Variants in CFAP20DC observed in about 807,000 individuals in gnomAD.
CFAP20DC encodes the protein CFAP20 domain containing, also known as protein CFAP20DC.
CFAP20DC carries 84 observed loss-of-function variants against 101.7 expected under a neutral mutation model. That is an observed-to-expected ratio of 0.83 (90% CI 0.69 to 0.99). CFAP20DC has a LOEUF of 0.99. Ranked by LOEUF, CFAP20DC falls within the 50% of genes least tolerant of loss-of-function variation. The pLI, the probability that CFAP20DC is intolerant of heterozygous loss-of-function variation, is 0.00. For missense variants in CFAP20DC, 1,007 were observed against 970.3 expected (o/e 1.04, Z -0.50); for synonymous variants, 359 against 351.2 (o/e 1.02, Z -0.25).
intron 4 of CFAP20DC, among the ~76,000 whole-genome samples, chr3:58,981,945 C>T (rs550181212): frequency 2.0e-5 from 3 of 152,190 alleles, no homozygotes; most frequent in African/African-American, 7.2e-5. Context: ...AGAAAATTTT[C>T]GCAACCTGCT....
chr3:58,743,212 G>A lies in CFAP20DC; in HGVS notation c.2333-640C>T, dbSNP rs150876202. ...CAGCCATTTAGATGGATTGGACAGA[G>A]AGGACAACTGTCTAAGTCATTATCG... On this transcript the variant is annotated intron_variant, in intron 16 of 16. Transcript: ENST00000482387. 7.2e-5 allele frequency among the ~76,000 whole-genome samples: 11 copies of A among 151,830 alleles called. No homozygotes were observed. In the East Asian group the frequency reaches 1.9e-3, roughly 27 times the overall value.
chr3:58,861,586 A>G lies in CFAP20DC; in HGVS notation c.1593+1972T>C, dbSNP rs530638485. On this transcript the variant is annotated intron_variant, in intron 12 of 16. Transcript: ENST00000482387. This position sits in a 1 kb window ranked among gnomAD's most constrained non-coding sequence, Gnocchi z 4.0. ...AAGAAGGTATCATTACACATGCTAA[A>G]ACTTGTTTAAATATAGCCTAGCATT... The G allele has an allele frequency of 3.3e-5, 33 of 985,310 alleles. No homozygotes were observed. Among genetic ancestry groups the G allele is most frequent in the Admixed American group, 1.8e-4 (3 of 16,290 alleles). The allele number at this position is 985,310 out of a possible 1,614,324, so 61.0% of individuals were successfully genotyped here. A position where few individuals can be genotyped will look rare whatever the true frequency, so the allele number is the denominator to read the frequency against.
chr3:58,812,129 T>C (rs975828927), intron 14 of CFAP20DC, among the ~76,000 whole-genome samples: 5 of 152,100 alleles, frequency 3.3e-5, no homozygotes, highest in South Asian at 2.1e-4. Context: ...AGCTCGACCA[T>C]TGTGGAAGTC....
chr3:58,823,147 T>C (rs1175984458), intron 14 of CFAP20DC, among the ~76,000 whole-genome samples: 1 of 152,170 alleles, frequency 6.6e-6, no homozygotes, highest in Non-Finnish European at 1.5e-5. Context: ...TCCTGTATCA[T>C]GGAAAACTTA....
At chr3:58,953,505 T>C (rs908511038) in intron 4 of CFAP20DC, 4 of 152,210 alleles carry the variant, frequency 2.6e-5, no homozygotes, top group African/African-American at 9.6e-5. Flanking sequence ...TGAGGGCTTA[T>C]GCTACTGTCT....
At chr3:58,857,621 C>T (rs1424965693) in intron 12 of CFAP20DC, among the ~76,000 whole-genome samples, 1 of 152,080 alleles carries the variant, frequency 6.6e-6, no homozygotes, top group Non-Finnish European at 1.5e-5. Flanking sequence ...GGTACAAAGG[C>T]TTGTTTGCCT....
intron 6 of CFAP20DC, among the ~76,000 whole-genome samples, chr3:58,890,281 C>T (rs1426899090): frequency 1.0e-4 from 15 of 149,220 alleles, no homozygotes; most frequent in East Asian, 8.2e-4. Flanking sequence ...CCTCACCTCC[C>T]GGACGGGGCG....
In CFAP20DC at chr3:58,914,456, C is replaced by A. The variant is rs956143318; in HGVS notation, c.394-592G>T. ...AATTTCTGCGCATTAAATAATTAGG[C>A]CCCTCAATACTTCATCAAATGAATT... On this transcript the variant is annotated intron_variant, in intron 5 of 16. Coordinates refer to ENST00000482387, the MANE Select transcript of CFAP20DC (RefSeq NM_001394063.1). This position sits in a 1 kb window ranked among gnomAD's most constrained non-coding sequence, Gnocchi z 4.9. 3.3e-5 allele frequency among the ~76,000 whole-genome samples: 5 copies of A among 151,782 alleles called. No individual in the cohort carries two copies. Among genetic ancestry groups the A allele is most frequent in the African/African-American group, 7.3e-5 (3 of 41,316 alleles).
At chr3:58,796,080 G>A (rs886316135) in intron 15 of CFAP20DC, among the ~76,000 whole-genome samples, 12 of 152,178 alleles carry the variant, frequency 7.9e-5, no homozygotes, top group African/African-American at 2.9e-4. Context: ...GTTGGTGCCC[G>A]GGTCAGTGTA....
intron 4 of CFAP20DC, chr3:58,953,629 G>C (rs927879144): frequency 4.6e-5 from 7 of 152,108 alleles, no homozygotes; most frequent in African/African-American, 1.7e-4. Context: ...AAGCTGAATT[G>C]CTACTTTAAA....
chr3:59,022,571 A>AC (rs2109002192), intron 4 of CFAP20DC, among the ~76,000 whole-genome samples: 1 of 152,092 alleles, frequency 6.6e-6, no homozygotes, highest in East Asian at 1.9e-4. Context: ...ATGGCATTTA[A>AC]CCTTAAAAAA....
intron 13 of CFAP20DC, among the ~76,000 whole-genome samples, chr3:58,833,307 G>C (rs1368436537): frequency 6.6e-6 from 1 of 152,098 alleles, no homozygotes; most frequent in Non-Finnish European, 1.5e-5. Context: ...CTTTAATAAG[G>C]TATTTCATGA....
At chr3:58,823,184 T>G (rs371849785) in intron 14 of CFAP20DC, among the ~76,000 whole-genome samples, 40 of 152,274 alleles carry the variant, frequency 2.6e-4, no homozygotes, top group African/African-American at 9.1e-4. Flanking sequence ...ATGTTTTTCT[T>G]TTGCTAATCT....
At chr3:58,791,742 AG>A (rs1484687045) in intron 15 of CFAP20DC, among the ~76,000 whole-genome samples, 1 of 152,160 alleles carries the variant, frequency 6.6e-6, no homozygotes, top group African/African-American at 2.4e-5. Context: ...AGATCATTAT[AG>A]GGACTCTGTT....
chr3:58,968,440 T>A (rs967795181), intron 4 of CFAP20DC, among the ~76,000 whole-genome samples: 2 of 152,212 alleles, frequency 1.3e-5, no homozygotes, highest in African/African-American at 4.8e-5. Context: ...GTGGTTTTTA[T>A]CTGCATTTCT....
intron 16 of CFAP20DC, among the ~76,000 whole-genome samples, chr3:58,752,047 C>CT (rs1192837238): frequency 1.3e-5 from 2 of 152,150 alleles, no homozygotes; most frequent in Non-Finnish European, 2.9e-5. Context: ...CATAATTTTT[C>CT]TTTGACACTT....
rs78463295 is a variant in CFAP20DC at position 58,991,900 on chromosome 3, T to C, written c.278+47657A>G. On this transcript the variant is annotated intron_variant, in intron 4 of 16. Coordinates refer to ENST00000482387, the MANE Select transcript of CFAP20DC (RefSeq NM_001394063.1). ...AGTAAATTAGGTTTTACAACAATTA[T>C]TCTAGATAAGTCAGCAAAATAAGGA... Among the ~76,000 whole-genome samples, 1,503 of 152,294 alleles carry C rather than the reference T, an allele frequency of 9.9e-3. 28 individuals are homozygous for C. Among genetic ancestry groups the C allele is most frequent in the African/African-American group, 0.034 (1,411 of 41,562 alleles).
chr3:58,970,569 G>C (rs2091892264), intron 4 of CFAP20DC: 1 of 152,192 alleles, frequency 6.6e-6, no homozygotes, highest in Admixed American at 6.6e-5. Context: ...TCCAGAAACA[G>C]TAAATATACA....
chr3:58,994,452 T>C (rs1164346552), intron 4 of CFAP20DC, among the ~76,000 whole-genome samples: 1 of 152,156 alleles, frequency 6.6e-6, no homozygotes, highest in African/African-American at 2.4e-5. Flanking sequence ...CATTTTTTTT[T>C]TAATGGGGAA....
Sources: gnomAD v4.1 joint callset for allele counts (sites outside exome capture counted in the v4.1 genomes callset) on GRCh38, gnomAD v4.1.1 for gene constraint, Gnocchi (gnomAD v3.1) non-coding constraint, MANE v1.5 for transcripts, NCBI Gene and HGNC (gene_info 2026-07-23, HGNC 2026-07-21) for gene names.